PDE5A: variants seen among roughly 807,000 people sequenced by gnomAD.
PDE5A encodes the protein phosphodiesterase 5A.
Under a neutral mutation model 110.2 loss-of-function variants are expected in PDE5A, and 67 were observed. The observed-to-expected ratio is 0.61, with a 90% CI of 0.50 to 0.75. The LOEUF is 0.75. PDE5A is among the 30% of genes least tolerant of loss of function. The pLI, the probability that PDE5A is intolerant of heterozygous loss-of-function variation, is 0.00. For missense variants in PDE5A, 862 were observed against 1,045.1 expected (o/e 0.82, Z 2.42); for synonymous variants, 328 against 351.2 (o/e 0.93, Z 0.74).
chr4:119,550,157 C>T (rs899618260), intron 9 of PDE5A: 2 of 152,066 alleles, frequency 1.3e-5, no homozygotes, highest in Non-Finnish European at 2.9e-5. Flanking sequence ...GAAATTTTCC[C>T]CCTTATATTT....
intron 1 of PDE5A, among the ~76,000 whole-genome samples, chr4:119,622,876 AAG>A (rs1296746274): frequency 2.0e-5 from 3 of 149,724 alleles, no homozygotes; most frequent in Admixed American, 6.6e-5. Context: ...AAAAAAAAAA[AAG>A]AAAGAAAGAA....
intron 11 of PDE5A, among the ~76,000 whole-genome samples, chr4:119,534,102 A>G (rs1726643054): frequency 6.6e-6 from 1 of 152,312 alleles, no homozygotes; most frequent in South Asian, 2.1e-4. Context: ...GCCAATGTGA[A>G]AAACATGTAG....
intron 1 of PDE5A, among the ~76,000 whole-genome samples, chr4:119,613,271 A>G (rs536413632): frequency 2.1e-3 from 317 of 152,288 alleles, no homozygotes; most frequent in Non-Finnish European, 3.7e-3. Flanking sequence ...TCAAATATAA[A>G]CTTATTTTCA....
chr4:119,498,989 G>A (rs991583571), intron 20 of PDE5A, among the ~76,000 whole-genome samples: 1 of 152,174 alleles, frequency 6.6e-6, no homozygotes, highest in African/African-American at 2.4e-5. Context: ...GTGCTAGGGA[G>A]ACAGATCTGT....
intron 11 of PDE5A, among the ~76,000 whole-genome samples, chr4:119,536,973 G>T (rs989966847): frequency 3.3e-5 from 5 of 152,102 alleles, no homozygotes; most frequent in African/African-American, 1.2e-4. Context: ...CTTAAAACAC[G>T]CTCGGTATAC....
chr4:119,583,657 G>C (rs569836506), intron 3 of PDE5A, among the ~76,000 whole-genome samples: 2 of 152,266 alleles, frequency 1.3e-5, no homozygotes, highest in East Asian at 3.9e-4. Flanking sequence ...GAACACTATA[G>C]GGTTATCAAC....
Position 119,503,974 on chromosome 4 carries a change from G to A in PDE5A, c.2331+562C>T, listed in dbSNP as rs141114025. On this transcript the variant is annotated intron_variant, in intron 18 of 20. Coordinates refer to ENST00000354960, the MANE Select transcript of PDE5A (RefSeq NM_001083.4). ...AAATTTTTTTTATTTTAGATTTAGG[G>A]GGTATATGTGCATGTCTGGTATATA... Among the ~76,000 whole-genome samples the A allele has an allele frequency of 2.1e-3, 325 of 152,028 alleles. 1 individual carries two copies. The highest frequency in any genetic ancestry group is 7.6e-3 in the African/African-American group (317 of 41,470).
intron 11 of PDE5A, chr4:119,528,594 A>G (rs1410143451): frequency 6.6e-6 from 1 of 152,154 alleles, no homozygotes; most frequent in East Asian, 1.9e-4. Context: ...GCTAGTCCAG[A>G]TGTTCCACTG....
intron 3 of PDE5A, among the ~76,000 whole-genome samples, chr4:119,595,820 T>C (rs1433634626): frequency 6.6e-6 from 1 of 152,216 alleles, no homozygotes; most frequent in African/African-American, 2.4e-5. Context: ...TATATCCTCA[T>C]ATATCCTATT....
intron 14 of PDE5A, chr4:119,517,079 T>G (rs1280563103): frequency 2.0e-5 from 3 of 152,230 alleles, no homozygotes; most frequent in African/African-American, 7.2e-5. Flanking sequence ...GGGGCAACTT[T>G]CTATTGGAGA....
chr4:119,587,175 A>G (rs879529085), intron 3 of PDE5A, among the ~76,000 whole-genome samples: 1 of 152,050 alleles, frequency 6.6e-6, no homozygotes, highest in Admixed American at 6.6e-5. Flanking sequence ...AAACAAAACT[A>G]CAAGAAAGAA....
chr4:119,594,328 A>T (rs1729080427), intron 3 of PDE5A, among the ~76,000 whole-genome samples: 1 of 152,156 alleles, frequency 6.6e-6, no homozygotes, highest in Non-Finnish European at 1.5e-5. Context: ...GAGAAGCTTA[A>T]TCAGGGCATA....
At chr4:119,584,485 A>G (rs932014984) in intron 3 of PDE5A, among the ~76,000 whole-genome samples, 2 of 152,176 alleles carry the variant, frequency 1.3e-5, no homozygotes, top group Non-Finnish European at 2.9e-5. Context: ...TAACAAATCC[A>G]CAAAAACCTC....
chr4:119,547,364 A>G (rs1727169433), intron 9 of PDE5A, among the ~76,000 whole-genome samples: 1 of 151,416 alleles, frequency 6.6e-6, no homozygotes, highest in Non-Finnish European at 1.5e-5. Flanking sequence ...AGGTTCATCT[A>G]TTATTATTGT....
intron 3 of PDE5A, among the ~76,000 whole-genome samples, chr4:119,593,985 G>A (rs780041473): frequency 2.0e-5 from 3 of 152,048 alleles, no homozygotes; most frequent in Non-Finnish European, 2.9e-5. Flanking sequence ...GAACAGCATG[G>A]GGGAAAACGC....
chr4:119,553,624 A>G lies in PDE5A; in HGVS notation c.1308+14T>C. 1 of 1,281,466 alleles carries G rather than the reference A, an allele frequency of 7.8e-7. No individual in the cohort carries two copies. The highest frequency in any genetic ancestry group is 1.1e-6 in the Non-Finnish European group (1 of 876,456). 79.4% of individuals were successfully genotyped at this position (1,281,466 alleles called of 1,614,324 possible). A position where few individuals can be genotyped will look rare whatever the true frequency, so the allele number is the denominator to read the frequency against. ...ACAGCCTTCTAGCTTCAAGTCTAAA[A>G]TTGGGTTACTTACTGTCCAGGGAAA... On this transcript the variant is annotated intron_variant, in intron 8 of 20. Transcript: ENST00000354960.
intron 3 of PDE5A, among the ~76,000 whole-genome samples, chr4:119,588,507 C>T (rs947711284): frequency 3.6e-5 from 5 of 137,894 alleles, no homozygotes; most frequent in African/African-American, 1.1e-4. Context: ...AATTTAAAAG[C>T]AAGTATCTTC....
At chr4:119,560,392 T>G in intron 6 of PDE5A, 29 bp from the exon 7 acceptor site, 1 of 1,500,730 alleles carries the variant, frequency 6.7e-7, no homozygotes, top group Non-Finnish European at 9.1e-7. Context: ...GGCTGAGAAA[T>G]AAGTTTGACA....
rs116360242 is a variant in PDE5A at position 119,621,739 on chromosome 4, C to T, written c.152+6781G>A. Among the ~76,000 whole-genome samples the T allele has an allele frequency of 5.5e-3, 843 of 152,236 alleles. 6 individuals are homozygous for T. Among genetic ancestry groups the T allele is most frequent in the African/African-American group, 0.019 (800 of 41,554 alleles). ...GCTAAATTCACAGCTAACCCAATCC[C>T]GCAAGCAATTAAAATTATGTGCATC... On this transcript the variant is annotated intron_variant, in intron 1 of 20. Transcript: ENST00000354960.
Sources: gnomAD v4.1 joint callset for allele counts (sites outside exome capture counted in the v4.1 genomes callset) on GRCh38, gnomAD v4.1.1 for gene constraint, MANE v1.5 for transcripts, NCBI Gene and HGNC (gene_info 2026-07-23, HGNC 2026-07-21) for gene names.